ADGRL3: variants seen among roughly 807,000 people sequenced by gnomAD.
ADGRL3 encodes the protein calcium-independent alpha-latrotoxin receptor 3.
ADGRL3 carries 62 observed loss-of-function variants against 153.5 expected under a neutral mutation model. The ratio of observed to expected loss-of-function variants is 0.40; its 90% CI spans 0.33 to 0.50. ADGRL3 has a LOEUF of 0.50. Ranked by LOEUF, ADGRL3 falls within the 20% of genes least tolerant of loss-of-function variation. The probability of loss-of-function intolerance (pLI) is 0.47; values close to 1 mark genes in which losing one functional copy is unlikely to be tolerated. For synonymous variants in ADGRL3, 710 were observed against 672.5 expected (o/e 1.06, Z -0.86); for missense variants, 1,641 against 1,859.4 (o/e 0.88, Z 2.16).
At chr4:61,758,275 G>A (rs1007976896) in intron 8 of ADGRL3, among the ~76,000 whole-genome samples, 2 of 152,146 alleles carry the variant, frequency 1.3e-5, no homozygotes, top group African/African-American at 4.8e-5. Flanking sequence ...TGGTGACAGT[G>A]GGGTGTTAAA....
chr4:61,318,998 C>T (rs1249705829), intron 1 of ADGRL3, among the ~76,000 whole-genome samples: 1 of 152,024 alleles, frequency 6.6e-6, no homozygotes, highest in Non-Finnish European at 1.5e-5. Flanking sequence ...TATTTTTATG[C>T]CCAAGTTAGT....
In ADGRL3 at chr4:61,267,973, G is replaced by C. The variant is rs1240702780; in HGVS notation, c.-240+66208G>C. ...AAGTTTTATGGAAGTATAGGAGCAG[G>C]CTTTTAGCACAAAATCTTGGGAAGG... is the stretch of plus-strand genomic sequence containing the variant. On this transcript the variant is annotated intron_variant, in intron 1 of 26. Coordinates refer to ENST00000683033, the MANE Select transcript of ADGRL3 (RefSeq NM_001387552.1). 2.0e-5 allele frequency among the ~76,000 whole-genome samples: 3 copies of C among 151,676 alleles called. No individual in the cohort carries two copies. The East Asian group carries it at 5.8e-4, about 29-fold the overall frequency.
intron 1 of ADGRL3, among the ~76,000 whole-genome samples, chr4:61,246,556 A>G (rs950517967): frequency 1.3e-5 from 2 of 151,996 alleles, no homozygotes; most frequent in African/African-American, 4.8e-5. Context: ...AAACTTAGCA[A>G]TATTGGCTTT....
chr4:61,254,884 C>A (rs2091810298), intron 1 of ADGRL3, among the ~76,000 whole-genome samples: 1 of 151,992 alleles, frequency 6.6e-6, no homozygotes, highest in African/African-American at 2.4e-5. Context: ...TATTTTTTGT[C>A]TTTCAGTATC....
intron 25 of ADGRL3, among the ~76,000 whole-genome samples, chr4:62,051,351 A>T (rs1036231861): frequency 1.3e-5 from 2 of 151,540 alleles, no homozygotes; most frequent in Admixed American, 1.3e-4. Flanking sequence ...ATAATTAAAC[A>T]AGGCTGTTAA....
chr4:61,829,840 A>T (rs2097849951), intron 9 of ADGRL3, among the ~76,000 whole-genome samples: 1 of 152,180 alleles, frequency 6.6e-6, no homozygotes. Flanking sequence ...GAATAAAGAC[A>T]GCCAAGGAAC....
intron 8 of ADGRL3, among the ~76,000 whole-genome samples, chr4:61,771,040 G>A (rs1312872315): frequency 6.6e-6 from 1 of 152,250 alleles, no homozygotes; most frequent in Non-Finnish European, 1.5e-5. Context: ...AAAACAAAAA[G>A]GGGTCCTGAA....
At chr4:61,368,668 C>T (rs1203869051) in intron 1 of ADGRL3, among the ~76,000 whole-genome samples, 1 of 152,030 alleles carries the variant, frequency 6.6e-6, no homozygotes, top group Non-Finnish European at 1.5e-5. Context: ...AGTGTGATGC[C>T]TCCAGCTTTG....
chr4:61,981,554 C>T (rs964722124), intron 18 of ADGRL3, among the ~76,000 whole-genome samples: 1 of 151,536 alleles, frequency 6.6e-6, no homozygotes, highest in Non-Finnish European at 1.5e-5. Context: ...AAAAAAAGAA[C>T]AGCACTAGCC....
intron 9 of ADGRL3, among the ~76,000 whole-genome samples, chr4:61,849,258 C>T (rs1530826): frequency 0.98 from 149,454 of 152,208 alleles, 73,431 homozygotes; most frequent in East Asian, 1. Flanking sequence ...AGGACTCTTA[C>T]TACTCTTTGT....
intron 17 of ADGRL3, among the ~76,000 whole-genome samples, chr4:61,950,258 A>G (rs1392354382): frequency 1.3e-5 from 2 of 152,122 alleles, no homozygotes; most frequent in Non-Finnish European, 2.9e-5. Context: ...TTTAGATGAG[A>G]CAGAAAAAAA....
intron 2 of ADGRL3, among the ~76,000 whole-genome samples, chr4:61,386,018 A>G (rs1156652555): frequency 6.6e-6 from 1 of 152,098 alleles, no homozygotes; most frequent in Non-Finnish European, 1.5e-5. Flanking sequence ...CTGAATTCAT[A>G]CCAACTGGGA....
intron 8 of ADGRL3, among the ~76,000 whole-genome samples, chr4:61,805,711 C>G (rs1021833925): frequency 3.9e-5 from 6 of 151,908 alleles, no homozygotes; most frequent in Non-Finnish European, 7.4e-5. Context: ...ACAATTGCCC[C>G]CTACCTAATA....
chr4:61,492,915 C>T (rs1399598301), intron 2 of ADGRL3, among the ~76,000 whole-genome samples: 1 of 152,020 alleles, frequency 6.6e-6, no homozygotes, highest in Non-Finnish European at 1.5e-5. Flanking sequence ...CAAATTAGGT[C>T]ATTTTAATCA....
At chr4:61,758,670 C>T (rs1400811640) in intron 8 of ADGRL3, among the ~76,000 whole-genome samples, 1 of 152,080 alleles carries the variant, frequency 6.6e-6, no homozygotes, top group African/African-American at 2.4e-5. Flanking sequence ...GAGCATTTAG[C>T]CCATTTACAT....
intron 2 of ADGRL3, among the ~76,000 whole-genome samples, chr4:61,400,373 A>T (rs1015672957): frequency 2.0e-5 from 3 of 151,848 alleles, no homozygotes; most frequent in Non-Finnish European, 2.9e-5. Flanking sequence ...ATAGGAAAAA[A>T]TACCCCAAAA....
At chr4:61,748,096 C>T (rs1338609627) in intron 8 of ADGRL3, among the ~76,000 whole-genome samples, 9 of 151,460 alleles carry the variant, frequency 5.9e-5, no homozygotes, top group African/African-American at 2.2e-4. Flanking sequence ...CATGAGTGAA[C>T]TCCCATTCAC....
In ADGRL3 at chr4:62,053,859, C is replaced by T. The variant is rs530893194; in HGVS notation, c.3814+9310C>T. Among the ~76,000 whole-genome samples, 5 of 151,598 alleles carry T rather than the reference C, an allele frequency of 3.3e-5. No individual in the cohort carries two copies. In the South Asian group the frequency reaches 6.2e-4, roughly 19 times the overall value. ...TATAATTTGCACAATATTAAAAATA[C>T]ACCAATACTGGGCAGTGAGTTATAC... On this transcript the variant is annotated intron_variant, in intron 25 of 26. Coordinates refer to ENST00000683033, the MANE Select transcript of ADGRL3 (RefSeq NM_001387552.1).
intron 4 of ADGRL3, among the ~76,000 whole-genome samples, chr4:61,542,861 T>C (rs2098696602): frequency 6.6e-6 from 1 of 152,322 alleles, no homozygotes; most frequent in Admixed American, 6.5e-5. Flanking sequence ...ACACTAAGAT[T>C]GCTTTTATTA....
Sources: gnomAD v4.1 joint callset for allele counts (sites outside exome capture counted in the v4.1 genomes callset) on GRCh38, gnomAD v4.1.1 for gene constraint, MANE v1.5 for transcripts, NCBI Gene and HGNC (gene_info 2026-07-23, HGNC 2026-07-21) for gene names.